Variants in ETS1 observed in about 807,000 individuals in gnomAD.
ETS1 encodes the protein protein C-ets-1.
ETS1 carries 15 observed loss-of-function variants against 58.6 expected under a neutral mutation model. The ratio of observed to expected loss-of-function variants is 0.26; its 90% confidence interval spans 0.17 to 0.39. ETS1 has a LOEUF of 0.39. ETS1 is among the 10% of genes least tolerant of loss of function. ETS1 has a pLI of 1.00. For synonymous variants in ETS1, 214 were observed against 218.2 expected, an observed-to-expected ratio of 0.98 and a Z score of 0.17; for missense variants, 417 against 610.5, an observed-to-expected ratio of 0.68 and a Z score of 3.34.
chr11:128,584,479 C>T (rs1376934542), intron 1 of ETS1, among the ~76,000 whole-genome samples: 2 of 152,144 alleles, frequency 1.3e-5, no homozygotes, highest in Non-Finnish European at 2.9e-5. Flanking sequence ...GAGTGGAGTG[C>T]CCACCTCAAA....
chr11:128,567,952 A>C (rs987233647), intron 2 of ETS1, among the ~76,000 whole-genome samples: 5 of 152,090 alleles, frequency 3.3e-5, no homozygotes, highest in Non-Finnish European at 5.9e-5. Flanking sequence ...GGAGTTTTTA[A>C]TACAGTTACT....
In ETS1 at chr11:128,587,557, C is replaced by T. The variant is rs1865054482; in HGVS notation, c.-84G>A. 1 of 152,400 alleles carries T rather than the reference C, an allele frequency of 6.6e-6. No individual in the cohort carries two copies. The highest frequency in any genetic ancestry group is 2.4e-5 in the African/African-American group (1 of 41,464). 9.4% of individuals were successfully genotyped at this position (152,400 alleles called of 1,614,324 possible). On this transcript the variant is annotated 5_prime_UTR_variant, in exon 1 of 10. Coordinates refer to ENST00000392668, the MANE Select transcript of ETS1 (RefSeq NM_001143820.2). ...CTCAAAGTCTGTGGTCTCTTTCCAA[C>T]TACCTGCGGGAATCCTCTGCTCCGT... is the stretch of plus-strand genomic sequence containing the variant.
At chr11:128,542,150 A>G (rs1370515568) in intron 3 of ETS1, among the ~76,000 whole-genome samples, 1 of 152,234 alleles carries the variant, frequency 6.6e-6, no homozygotes, top group African/African-American at 2.4e-5. Flanking sequence ...GAGGTGGTAC[A>G]TGTCTCACAT....
At chr11:128,492,066 T>C (rs986122336) in intron 3 of ETS1, among the ~76,000 whole-genome samples, 3 of 152,198 alleles carry the variant, frequency 2.0e-5, no homozygotes, top group East Asian at 1.9e-4. Flanking sequence ...CCTACTAGCT[T>C]TCCTGTTACC....
chr11:128,555,196 A>C (rs1482229212), intron 3 of ETS1, among the ~76,000 whole-genome samples: 1 of 152,146 alleles, frequency 6.6e-6, no homozygotes, highest in African/African-American at 2.4e-5. Flanking sequence ...CTCCTCACCC[A>C]CCATACACAC....
chr11:128,507,271 G>C (rs1863266051), intron 3 of ETS1, among the ~76,000 whole-genome samples: 1 of 152,184 alleles, frequency 6.6e-6, no homozygotes, highest in Non-Finnish European at 1.5e-5. Flanking sequence ...GAGGGAGGGA[G>C]AGGGAAGGAG....
intron 2 of ETS1, among the ~76,000 whole-genome samples, chr11:128,556,845 T>G (rs1380170605): frequency 6.6e-6 from 1 of 152,074 alleles, no homozygotes; most frequent in Non-Finnish European, 1.5e-5. Context: ...ATACAACAAG[T>G]AAATGATACA....
intron 3 of ETS1, among the ~76,000 whole-genome samples, chr11:128,542,955 C>G (rs1864077657): frequency 1.3e-5 from 2 of 152,030 alleles, no homozygotes; most frequent in Admixed American, 1.3e-4. Flanking sequence ...GGTGGATTAC[C>G]TGAGGTCAGG....
chr11:128,523,756 T>C (rs752338985), intron 3 of ETS1, among the ~76,000 whole-genome samples: 1 of 152,222 alleles, frequency 6.6e-6, no homozygotes, highest in Non-Finnish European at 1.5e-5. Context: ...ATAGTCCTAA[T>C]TTTTGAAAGA....
At chr11:128,497,672 G>A (rs1207473176) in intron 3 of ETS1, 10 of 701,848 alleles carry the variant, frequency 1.4e-5, no homozygotes, top group East Asian at 1.3e-4. Flanking sequence ...CCGGAGTTCA[G>A]ACCTGCCAGA....
intron 3 of ETS1, among the ~76,000 whole-genome samples, chr11:128,496,841 A>AT (rs1365237629): frequency 1.3e-5 from 2 of 152,192 alleles, no homozygotes; most frequent in Non-Finnish European, 2.9e-5. Context: ...GCTAAGGTTA[A>AT]TGCAAAGAAG....
chr11:128,489,505 C>A lies in ETS1; in HGVS notation c.335-15G>T. 1.2e-6 allele frequency: 2 copies of A among 1,610,700 alleles called. No individual in the cohort carries two copies. The highest frequency in any genetic ancestry group is 1.1e-5 in the South Asian group (1 of 90,976). On this transcript the variant is annotated splice_polypyrimidine_tract_variant and intron_variant, in intron 4 of 9. Transcript: ENST00000392668. ...CTGCCGGGGGTCTGAGGAAAGAGAT[C>A]AGATGAAGATCCAGCAGGTCGGGCT...
intron 8 of ETS1, among the ~76,000 whole-genome samples, chr11:128,471,357 A>C (rs568504750): frequency 6.6e-6 from 1 of 152,362 alleles, no homozygotes; most frequent in East Asian, 1.9e-4. Flanking sequence ...GTATGAGGGA[A>C]AGACCTTTGT....
chr11:128,470,202 C>G (rs1479662898), intron 8 of ETS1, among the ~76,000 whole-genome samples: 1 of 152,150 alleles, frequency 6.6e-6, no homozygotes, highest in Non-Finnish European at 1.5e-5. Context: ...GAGTTCATGT[C>G]TCTTGCATGT....
chr11:128,552,205 A>T (rs887863208), intron 3 of ETS1, among the ~76,000 whole-genome samples: 7 of 152,150 alleles, frequency 4.6e-5, no homozygotes, highest in Admixed American at 2.0e-4. Context: ...ATAACGGAAG[A>T]GCTGATGCAA....
At chr11:128,484,538 T>C (rs149638825) in intron 7 of ETS1, among the ~76,000 whole-genome samples, 2 of 152,162 alleles carry the variant, frequency 1.3e-5, no homozygotes, top group Non-Finnish European at 2.9e-5. Context: ...CAAATTCAAC[T>C]AGAGTTATTG....
At chr11:128,525,302 A>G (rs752082135) in intron 3 of ETS1, among the ~76,000 whole-genome samples, 1 of 152,130 alleles carries the variant, frequency 6.6e-6, no homozygotes, top group Non-Finnish European at 1.5e-5. Context: ...CCTCAAGCAC[A>G]TGGAGTATGT....
intron 2 of ETS1, among the ~76,000 whole-genome samples, chr11:128,565,980 C>G (rs1287312677): frequency 1.8e-4 from 27 of 152,176 alleles, no homozygotes; most frequent in Admixed American, 1.8e-3. Context: ...TGCCAACAAC[C>G]AGAGCCCTGG....
At chr11:128,565,627 C>G (rs1334544066) in intron 2 of ETS1, among the ~76,000 whole-genome samples, 1 of 152,232 alleles carries the variant, frequency 6.6e-6, no homozygotes, top group Non-Finnish European at 1.5e-5. Context: ...AGAAGCCCCA[C>G]AGTCCAAGAT....
Sources: gnomAD v4.1 joint callset for allele counts (sites outside exome capture counted in the v4.1 genomes callset) on GRCh38, gnomAD v4.1.1 for gene constraint, MANE v1.5 for transcripts, NCBI Gene and HGNC (gene_info 2026-07-23, HGNC 2026-07-21) for gene names.